Variants in P2RY6 observed in about 807,000 individuals in gnomAD.
P2RY6 encodes pyrimidinergic receptor P2Y6, also known as P2Y purinoceptor 6.
In P2RY6, 19 loss-of-function variants were observed where a neutral mutation model predicts 16.3. That is an observed-to-expected ratio of 1.16 (90% CI 0.81 to 1.71). The LOEUF is 1.71. Among genes scored for constraint, P2RY6 ranks in the 40% most tolerant of loss-of-function variants. P2RY6 has a pLI of 0.00. For missense variants in P2RY6, 389 were observed against 455.5 expected (o/e 0.85, Z 1.33); for synonymous variants, 184 against 201.5 (o/e 0.91, Z 0.74).
At chr11:73,287,106 G>A (rs1286034981) in intron 1 of P2RY6, among the ~76,000 whole-genome samples, 1 of 152,200 alleles carries the variant, frequency 6.6e-6, no homozygotes, top group Admixed American at 6.5e-5. Flanking sequence ...GCTGTTCTCA[G>A]GAAACGATGC....
intron 1 of P2RY6, among the ~76,000 whole-genome samples, chr11:73,282,212 G>A (rs543145615): frequency 1.9e-4 from 29 of 152,250 alleles, no homozygotes; most frequent in Admixed American, 1.7e-3. Flanking sequence ...CCCATCCCAC[G>A]GCCACAACCC....
chr11:73,282,891 C>A (rs1863821576), intron 1 of P2RY6, among the ~76,000 whole-genome samples: 3 of 152,126 alleles, frequency 2.0e-5, no homozygotes, highest in Admixed American at 2.0e-4. Flanking sequence ...TTCCTGTGCA[C>A]CAGGTATTGG....
chr11:73,293,743 T>G (rs996537961), intron 1 of P2RY6, among the ~76,000 whole-genome samples: 8 of 152,110 alleles, frequency 5.3e-5, no homozygotes, highest in African/African-American at 1.9e-4. Flanking sequence ...GCCCCCTGCC[T>G]CCTTCCAAGA....
intron 1 of P2RY6, among the ~76,000 whole-genome samples, chr11:73,293,689 C>T (rs1240808867): frequency 6.6e-6 from 1 of 152,212 alleles, no homozygotes; most frequent in East Asian, 1.9e-4. Context: ...TGACACAGCC[C>T]TGAAGGTTTT....
At chr11:73,265,624 G>C (rs970865551) in intron 1 of P2RY6, among the ~76,000 whole-genome samples, 2 of 152,086 alleles carry the variant, frequency 1.3e-5, no homozygotes, top group African/African-American at 4.8e-5. Flanking sequence ...CTGGGGCAGG[G>C]GCAGGAGAGC....
rs535579768 is a variant in P2RY6, at chr11:73,265,817, G to A, written c.-281+1168G>A. ...TGGTTCAAATTTGATTTAAGCAAAC[G>A]CAGAAATATTAGAGAGGCTTCAAAA... On this transcript the variant is annotated intron_variant, in intron 1 of 3. Transcript: ENST00000349767. Among the ~76,000 whole-genome samples the A allele has an allele frequency of 5.3e-5, 8 of 152,318 alleles. No individual in the cohort carries two copies. The South Asian group carries it at 6.2e-4, about 12-fold the overall frequency.
chr11:73,267,174 GCTTTGGCAGTCTGACTCTTGTAA>G (rs1241734924), intron 1 of P2RY6, among the ~76,000 whole-genome samples: 5 of 152,154 alleles, frequency 3.3e-5, no homozygotes, highest in African/African-American at 1.2e-4. Flanking sequence ...TCTGGCCCTG[GCTTTGGCAGTCTGACTCTTGTAA>G]ACTTATAAAC....
Position 73,296,234 on chromosome 11 carries a change from ATAT to A in P2RY6, c.-34-250_-34-248del, listed in dbSNP as rs1258499646. On this transcript the variant is annotated intron_variant, in intron 2 of 2. Coordinates refer to ENST00000540124, the MANE Select transcript of P2RY6 (RefSeq NM_001277204.2). Reference sequence around the variant, plus strand: ...TAGGAAGGCTGAAGGAAAAAAAAAAATATATATATATATATATATATATAATAT... The same window carrying A: ...TAGGAAGGCTGAAGGAAAAAAAAAAAATATATATATATATATATATAATAT... Among the ~76,000 whole-genome samples the A allele has an allele frequency of 2.2e-3, 217 of 98,850 alleles. 1 individual carries two copies. The highest frequency in any genetic ancestry group is 7.8e-3 in the African/African-American group (179 of 22,988). The allele number at this position is 98,850 out of a possible 152,430, so 64.8% of individuals were successfully genotyped here.
At chr11:73,274,451 A>G (rs899669123) in intron 1 of P2RY6, among the ~76,000 whole-genome samples, 2 of 151,814 alleles carry the variant, frequency 1.3e-5, no homozygotes, top group Admixed American at 6.6e-5. Context: ...CTGAGGCAGG[A>G]GAATCATTTG....
In P2RY6 at chr11:73,295,730, A is replaced by T; in HGVS notation, c.-120A>T. Reference sequence around the variant, plus strand: ...ATCACCTCCTTCCCCTATTTTACAGATAACAAGACCTCTGCCAGAAGAACC... The same window carrying T: ...ATCACCTCCTTCCCCTATTTTACAGTTAACAAGACCTCTGCCAGAAGAACC... On this transcript the variant is annotated splice_region_variant and 5_prime_UTR_variant, in exon 2 of 3. Transcript: ENST00000540124. 1.0e-6 allele frequency: 1 copy of T among 983,358 alleles called. No homozygotes were observed. Among genetic ancestry groups the T allele is most frequent in the East Asian group, 1.1e-4 (1 of 8,802 alleles). The allele number at this position is 983,358 out of a possible 1,614,324, so 60.9% of individuals were successfully genotyped here.
At chr11:73,280,541 T>C (rs2135714241) in intron 1 of P2RY6, among the ~76,000 whole-genome samples, 1 of 152,258 alleles carries the variant, frequency 6.6e-6, no homozygotes, top group East Asian at 1.9e-4. Context: ...TGTGGAACCA[T>C]CCCTCCATGC....
At chr11:73,286,748 A>G (rs1863989254) in intron 1 of P2RY6, among the ~76,000 whole-genome samples, 1 of 152,068 alleles carries the variant, frequency 6.6e-6, no homozygotes, top group Non-Finnish European at 1.5e-5. Flanking sequence ...TAGCAGAGTT[A>G]GAGAAGGAAA....
Position 73,289,951 on chromosome 11 carries a change from G to A in P2RY6, c.-120-5779G>A, listed in dbSNP as rs923567655. 2.6e-5 allele frequency among the ~76,000 whole-genome samples: 4 copies of A among 152,312 alleles called. No individual in the cohort carries two copies. The East Asian group carries it at 7.7e-4, about 29-fold the overall frequency. On this transcript the variant is annotated intron_variant, in intron 1 of 2. Transcript: ENST00000540124. Reference sequence around the variant, plus strand: ...TAAGAAACAATACTGGCCAGGCACGGTGGCTCACGCCTGTAATCCCAGCAC... The same window carrying A: ...TAAGAAACAATACTGGCCAGGCACGATGGCTCACGCCTGTAATCCCAGCAC...
rs1290481246 is a variant in P2RY6 at position 73,297,061 on chromosome 11, C to A, written c.543C>A (p.Ser181Arg). 6.2e-7 allele frequency: 1 copy of A among 1,601,270 alleles called. No homozygotes were observed. The highest frequency in any genetic ancestry group is 1.3e-5 in the African/African-American group (1 of 74,956). The change falls in exon 3 of 3, where the codon AGC becomes AGA. Residue 181 changes from serine to arginine, a missense_variant. Ser to Arg is a moderately radical substitution (Grantham distance 110). Coordinates refer to ENST00000540124, the MANE Select transcript of P2RY6 (RefSeq NM_001277204.2). ...ACCGCACTGTCTGCTATGACCTCAG[C>A]CCGCCTGCCCTGGCCACCCACTATA... Reference protein sequence around the residue: ...QRNRTVCYDLSPPALATHYMP... With the variant: ...QRNRTVCYDLRPPALATHYMP...
chr11:73,277,188 A>G (rs1362541148), intron 1 of P2RY6, among the ~76,000 whole-genome samples: 2 of 151,316 alleles, frequency 1.3e-5, no homozygotes, highest in East Asian at 1.9e-4. Context: ...ATCTCAGCTC[A>G]CTGCAACCTC....
intron 1 of P2RY6, among the ~76,000 whole-genome samples, chr11:73,295,454 T>A (rs756013825): frequency 4.6e-5 from 7 of 152,198 alleles, no homozygotes; most frequent in Non-Finnish European, 8.8e-5. Context: ...CACTAAGCTG[T>A]CTCTTCTGGA....
At chr11:73,282,744 A>G (rs923499835) in intron 1 of P2RY6, among the ~76,000 whole-genome samples, 48 of 152,086 alleles carry the variant, frequency 3.2e-4, no homozygotes, top group African/African-American at 1.1e-3. Context: ...TTGTAAATGC[A>G]CGGCAAATGA....
intron 1 of P2RY6, among the ~76,000 whole-genome samples, chr11:73,279,506 A>G (rs969859875): frequency 1.3e-5 from 2 of 152,240 alleles, no homozygotes; most frequent in African/African-American, 4.8e-5. Context: ...ATCAGTTTAT[A>G]TAAATAAAAA....
intron 1 of P2RY6, among the ~76,000 whole-genome samples, chr11:73,280,710 G>A (rs1863724088): frequency 6.6e-6 from 1 of 152,214 alleles, no homozygotes; most frequent in Non-Finnish European, 1.5e-5. Flanking sequence ...GATGTGGGGA[G>A]AGGGAAGTCC....
Sources: gnomAD v4.1 joint callset for allele counts (sites outside exome capture counted in the v4.1 genomes callset) on GRCh38, gnomAD v4.1.1 for gene constraint, MANE v1.5 for transcripts, NCBI Gene and HGNC (gene_info 2026-07-23, HGNC 2026-07-21) for gene names.